SPANXN4: variants seen among roughly 807,000 people sequenced by gnomAD.
The protein encoded by SPANXN4 is SPANX family member N4, also known as sperm protein associated with the nucleus on the X chromosome N4.
Under a neutral mutation model 6.0 loss-of-function variants are expected in SPANXN4, and 5 were observed. The observed-to-expected ratio is 0.83, with a 90% CI of 0.44 to 1.75. The LOEUF is 1.75. Ranked by LOEUF, SPANXN4 falls within the 40% of genes most tolerant of loss-of-function variation. The probability of loss-of-function intolerance (pLI) is 0.02; values close to 1 mark genes in which losing one functional copy is unlikely to be tolerated. For synonymous variants in SPANXN4, 45 were observed against 38.0 expected (o/e 1.19, Z -0.68); for missense variants, 157 against 108.6 (o/e 1.45, Z -1.98).
chrX:143,032,803 A>C (rs945723814), intron 1 of SPANXN4, among the ~76,000 whole-genome samples: 2 of 111,501 alleles, frequency 1.8e-5, no homozygotes, highest in African/African-American at 6.5e-5. Flanking sequence ...AAGGGAGTTA[A>C]TATCCCAGAA....
intron 1 of SPANXN4, among the ~76,000 whole-genome samples, chrX:143,032,394 G>A (rs1017556149): frequency 9.1e-6 from 1 of 110,218 alleles, no homozygotes; most frequent in Non-Finnish European, 1.9e-5. Flanking sequence ...GGAGAACGAA[G>A]AGGGGATGGA....
chrX:143,030,547 A>G (rs1270743526), intron 1 of SPANXN4, among the ~76,000 whole-genome samples: 1 of 109,589 alleles, frequency 9.1e-6, no homozygotes, highest in African/African-American at 3.3e-5. Context: ...AGTATGGTCC[A>G]TGTCAGTTGG....
chrX:143,033,978 T>C (rs755034139), intron 1 of SPANXN4, 47 bp from the exon 2 acceptor site: 1 of 1,093,657 alleles, frequency 9.1e-7, no homozygotes, highest in African/African-American at 1.9e-5. Flanking sequence ...CTCTACCCTC[T>C]TCATCCAAAA....
chrX:143,034,499 T>C (rs1218032319), intron 2 of SPANXN4, 188 bp downstream of exon 2: 2 of 1,125,704 alleles, frequency 1.8e-6, no homozygotes, highest in African/African-American at 1.9e-5. Context: ...CTTAAAATTT[T>C]ATCTCACAGG....
intron 1 of SPANXN4, among the ~76,000 whole-genome samples, chrX:143,033,663 AC>A (rs1471114470): frequency 8.1e-5 from 9 of 111,251 alleles, no homozygotes; most frequent in Non-Finnish European, 1.7e-4. Flanking sequence ...TGTTTCTTGG[AC>A]CTTTGCCCAG....
chrX:143,038,006 C>T (rs1932851743), downstream of SPANXN4, among the ~76,000 whole-genome samples: 1 of 111,578 alleles, frequency 9.0e-6, no homozygotes, highest in East Asian at 2.8e-4. Flanking sequence ...ACTGATACAT[C>T]TATAGAATCT....
chrX:143,038,611 G>A (rs1932854863), downstream of SPANXN4, among the ~76,000 whole-genome samples: 1 of 111,843 alleles, frequency 8.9e-6, no homozygotes, highest in African/African-American at 3.2e-5. Flanking sequence ...TAAACTCCAT[G>A]ACAACAATTA....
chrX:143,033,425 G>T (rs915814364), intron 1 of SPANXN4, among the ~76,000 whole-genome samples: 21 of 111,229 alleles, frequency 1.9e-4, no homozygotes, highest in Admixed American at 1.5e-3. Flanking sequence ...AAGGGTTAAA[G>T]ACACACAAAG....
chrX:143,031,600 C>T (rs999656572), intron 1 of SPANXN4, among the ~76,000 whole-genome samples: 20 of 112,074 alleles, frequency 1.8e-4, no homozygotes, highest in Non-Finnish European at 3.4e-4. Context: ...TTATAACAGG[C>T]TCCTGGCAGT....
intron 1 of SPANXN4, among the ~76,000 whole-genome samples, chrX:143,033,199 G>A (rs1932821290): frequency 9.0e-6 from 1 of 111,507 alleles, no homozygotes; most frequent in Non-Finnish European, 1.9e-5. Flanking sequence ...AGGATGGAGA[G>A]TTTGATCAGG....
chrX:143,029,802 G>T (rs1413417720), intron 1 of SPANXN4, among the ~76,000 whole-genome samples: 1 of 111,311 alleles, frequency 9.0e-6, no homozygotes, highest in Non-Finnish European at 1.9e-5. Flanking sequence ...CTAGTAATGT[G>T]TTGGTAAAGA....
intron 1 of SPANXN4, among the ~76,000 whole-genome samples, chrX:143,028,270 G>A (rs376278893): frequency 9.1e-6 from 1 of 110,454 alleles, no homozygotes; most frequent in Non-Finnish European, 1.9e-5. Flanking sequence ...AGGAGTCTGC[G>A]ATTCAGACCC....
At chrX:143,030,685 G>C (rs1391311180) in intron 1 of SPANXN4, among the ~76,000 whole-genome samples, 1 of 111,320 alleles carries the variant, frequency 9.0e-6, no homozygotes, top group Admixed American at 9.5e-5. Context: ...ATGGTAGATG[G>C]GGCAATATGG....
chrX:143,026,557 G>T (rs1932780038), intron 1 of SPANXN4, among the ~76,000 whole-genome samples: 1 of 111,691 alleles, frequency 9.0e-6, no homozygotes, highest in Admixed American at 9.5e-5. Flanking sequence ...TGATATTCTT[G>T]CCTTCTACTT....
chrX:143,034,652 C>T lies in SPANXN4; in HGVS notation c.427C>T (p.Gln143Ter), dbSNP rs1489508358. 25 of 1,158,518 alleles carry T rather than the reference C, an allele frequency of 2.2e-5. No individual in the cohort carries two copies. The highest frequency in any genetic ancestry group is 3.3e-5 in the East Asian group (1 of 30,620). Reference sequence around the variant, plus strand: ...ATCACCACCTTCAGGCCACATACCTCAGAGTGGTGTGTTTTGTAACTCACC... The same window carrying T: ...ATCACCACCTTCAGGCCACATACCTTAGAGTGGTGTGTTTTGTAACTCACC... Residue 143 changes from glutamine to a stop codon, truncating the protein, a stop_gained, in exon 3 of 3, where the codon CAG becomes TAG. Coordinates refer to ENST00000370504, the Ensembl canonical transcript of SPANXN4. LOFTEE classifies it low-confidence loss of function (END_TRUNC).
At chrX:143,030,198 AAGG>A (rs1237174634) in intron 1 of SPANXN4, among the ~76,000 whole-genome samples, 2 of 110,735 alleles carry the variant, frequency 1.8e-5, no homozygotes, top group Non-Finnish European at 3.8e-5. Flanking sequence ...AAGGCTCAAG[AAGG>A]AGAAGAGGTC....
rs181519153 is a variant in SPANXN4, at chrX:143,029,056, G to A, written c.78+2964G>A. ...CCCGGGCAAGTGGGGTTTGTTCCGC[G>A]TGGGTATATACAGGTTGTATGCTGG... On this transcript the variant is annotated intron_variant, in intron 1 of 2. Transcript: ENST00000370504. 6.3e-5 allele frequency among the ~76,000 whole-genome samples: 7 copies of A among 111,116 alleles called. No individual in the cohort carries two copies. In the East Asian group the frequency reaches 8.6e-4, roughly 14 times the overall value.
exon 3 of SPANXN4, chrX:143,034,585 T>C: frequency 8.6e-7 from 1 of 1,165,775 alleles, no homozygotes; most frequent in South Asian, 1.9e-5. Flanking sequence ...CTGTATTGTA[T>C]GTAGGTGACA....
At position 143,034,271 on chromosome X, in the gene SPANXN4, C is replaced by T. The variant is rs1248809195; in HGVS notation, c.283+39C>T. 11 of 1,118,021 alleles carry T rather than the reference C, an allele frequency of 9.8e-6. No homozygotes were observed. The East Asian group carries it at 2.6e-4, about 27-fold the overall frequency. 92.1% of individuals were successfully genotyped at this position (1,118,021 alleles called of 1,213,427 possible). ...GTCCAAATTGGACAAATCATCACCA[C>T]TGATGGCGATGATTACAATAAAATC... On this transcript the variant is annotated intron_variant, in intron 2 of 2. Coordinates refer to ENST00000370504, the Ensembl canonical transcript of SPANXN4.
Sources: gnomAD v4.1 joint callset for allele counts (sites outside exome capture counted in the v4.1 genomes callset) on GRCh38, gnomAD v4.1.1 for gene constraint, MANE v1.5 for transcripts, NCBI Gene and HGNC (gene_info 2026-07-23, HGNC 2026-07-21) for gene names.